HDGF: variants seen among roughly 807,000 people sequenced by gnomAD.
HDGF encodes the protein heparin binding growth factor, also known as hepatoma-derived growth factor.
Under a neutral mutation model 30.0 loss-of-function variants are expected in HDGF, and 5 were observed. The observed-to-expected ratio is 0.17, with a 90% CI of 0.09 to 0.35. HDGF has a LOEUF of 0.35. Ranked by LOEUF, HDGF falls within the 10% of genes least tolerant of loss-of-function variation. The pLI is 1.00. For missense variants in HDGF, 214 were observed against 302.8 expected (o/e 0.71, Z 2.18); for synonymous variants, 133 against 112.7 (o/e 1.18, Z -1.14).
At chr1:156,751,874 C>A, upstream of HDGF, 1 of 952,626 alleles carries the variant, frequency 1.0e-6, no homozygotes, top group Non-Finnish European at 1.5e-6. This position sits in a 1 kb window ranked among gnomAD's most constrained non-coding sequence, Gnocchi z 4.7. Flanking sequence ...AACCCGGAGC[C>A]GCCTGACGGC....
At position 156,751,314 on chromosome 1, in the gene HDGF, G is replaced by T; in HGVS notation, c.87+29C>A. Reference sequence around the variant, plus strand: ...GTTATGCAACCCAAGCCCGCAGGGGGTTAGGGGGCGGCGGGCCGCGCTGCT... The same window carrying T: ...GTTATGCAACCCAAGCCCGCAGGGGTTTAGGGGGCGGCGGGCCGCGCTGCT... On this transcript the variant is annotated intron_variant, in intron 1 of 5. Transcript: ENST00000357325. The surrounding 1 kb of genome is among the most constrained non-coding windows in gnomAD (Gnocchi z 4.7). The T allele has an allele frequency of 1.9e-6, 3 of 1,601,294 alleles. No individual in the cohort carries two copies. Among genetic ancestry groups the T allele is most frequent in the Non-Finnish European group, 2.6e-6 (3 of 1,173,318 alleles).
Position 156,744,170 on chromosome 1 carries a change from A to T in HDGF, c.482T>A (p.Leu161Ter). The T allele has an allele frequency of 6.2e-7, 1 of 1,613,866 alleles. No individual in the cohort carries two copies. The highest frequency in any genetic ancestry group is 8.5e-7 in the Non-Finnish European group (1 of 1,179,856). ...KGALKRRAGD[L>*]LEDSPKRPKE... ...TGGGCAGGCAGCAGTTACCTCCAGC[A>T]AGTCCCCTGCTCTCCTCTTCAACGC... is the stretch of plus-strand genomic sequence containing the variant. The change falls in exon 4 of 6, where the codon TTG becomes TAG. Residue 161 changes from leucine to a stop codon, truncating the protein, a stop_gained. Coordinates refer to ENST00000357325, the MANE Select transcript of HDGF (RefSeq NM_004494.3). LOFTEE classifies it high-confidence loss of function.
chr1:156,748,065 G>A (rs569909386), intron 1 of HDGF, among the ~76,000 whole-genome samples: 1 of 152,278 alleles, frequency 6.6e-6, no homozygotes, highest in East Asian at 1.9e-4. Flanking sequence ...TGGGTCTAGA[G>A]GGAAGAGAGA....
intron 1 of HDGF, among the ~76,000 whole-genome samples, chr1:156,764,399 G>A (rs1021075629): frequency 2.7e-5 from 4 of 150,204 alleles, no homozygotes; most frequent in African/African-American, 7.4e-5. Context: ...GTTTCTCCAT[G>A]TTGGGCAGGC....
rs538720094 is a variant in HDGF at position 156,749,090 on chromosome 1, G to A, written c.87+2253C>T. On this transcript the variant is annotated intron_variant, in intron 1 of 5. Coordinates refer to ENST00000357325, the MANE Select transcript of HDGF (RefSeq NM_004494.3). Reference sequence around the variant, plus strand: ...AGGGAAAGGAGAAGGTTAAGATGGAGTCACACCATCCTTCCAGGCAGGTCC... The same window carrying A: ...AGGGAAAGGAGAAGGTTAAGATGGAATCACACCATCCTTCCAGGCAGGTCC... Among the ~76,000 whole-genome samples the A allele has an allele frequency of 2.6e-5, 4 of 152,344 alleles. No individual in the cohort carries two copies. The East Asian group carries it at 7.7e-4, about 29-fold the overall frequency.
intron 1 of HDGF, among the ~76,000 whole-genome samples, chr1:156,750,329 G>A (rs556691531): frequency 5.1e-4 from 77 of 152,206 alleles, no homozygotes; most frequent in African/African-American, 1.8e-3. Flanking sequence ...CAAATGCACT[G>A]CCCCCGCATC....
intron 1 of HDGF, chr1:156,747,390 AG>A: frequency 6.6e-6 from 1 of 152,206 alleles, no homozygotes. Context: ...TTACCGCTGC[AG>A]GGGGTACGGG....
chr1:156,751,781 G>GC (rs1347642721), upstream of HDGF: 9 of 721,296 alleles, frequency 1.2e-5, no homozygotes, highest in East Asian at 4.3e-4. This position sits in a 1 kb window ranked among gnomAD's most constrained non-coding sequence, Gnocchi z 4.7. Flanking sequence ...TCCTCCCCCC[G>GC]CCCCCCAACC....
intron 1 of HDGF, chr1:156,747,309 C>T (rs1277009826): frequency 3.8e-5 from 5 of 130,732 alleles, no homozygotes; most frequent in Non-Finnish European, 8.1e-5. Context: ...GACACTAACA[C>T]ACCCCACCCC....
intron 1 of HDGF, among the ~76,000 whole-genome samples, chr1:156,764,899 A>AAAG: frequency 6.6e-6 from 1 of 151,924 alleles, no homozygotes; most frequent in East Asian, 1.9e-4. Context: ...AAAAAAAAAA[A>AAAG]AAGAAGAAGA....
chr1:156,757,575 T>A (rs966797031), intron 2 of HDGF, among the ~76,000 whole-genome samples: 1 of 149,512 alleles, frequency 6.7e-6, no homozygotes, highest in Non-Finnish European at 1.5e-5. Flanking sequence ...GGTGGATCAC[T>A]TGAGGCCAGG....
chr1:156,752,086 G>C, upstream of HDGF: 1 of 1,551,534 alleles, frequency 6.4e-7, no homozygotes, highest in Admixed American at 2.0e-5. Flanking sequence ...CACGGTTTCC[G>C]CCTGCCCTCT....
At chr1:156,752,235 G>A (rs1245190472), upstream of HDGF, 5 of 1,551,820 alleles carry the variant, frequency 3.2e-6, no homozygotes, top group Non-Finnish European at 4.4e-6. Flanking sequence ...TTACCGTATG[G>A]GGGGTGGCCC....
chr1:156,752,464 A>AATGCCAATAAACCCAACCCCTTCAGT, upstream of HDGF: 1 of 1,102,036 alleles, frequency 9.1e-7, no homozygotes, highest in Admixed American at 2.1e-5. Flanking sequence ...GTTACGGTAG[A>AATGCCAATAAACCCAACCCCTTCAGT]ATGCCAATAA....
upstream of HDGF, chr1:156,751,911 G>T: frequency 1.9e-6 from 2 of 1,038,490 alleles, no homozygotes; most frequent in South Asian, 1.7e-5. This position sits in a 1 kb window ranked among gnomAD's most constrained non-coding sequence, Gnocchi z 4.7. Context: ...ATAAGGAGCC[G>T]ATCGCCGAGC....
At chr1:156,750,390 C>T (rs1650879754) in intron 1 of HDGF, among the ~76,000 whole-genome samples, 1 of 152,184 alleles carries the variant, frequency 6.6e-6, no homozygotes, top group Non-Finnish European at 1.5e-5. Flanking sequence ...CTTACTTAAC[C>T]TGTCTCAGTC....
chr1:156,745,712 T>C (rs1022872390), intron 1 of HDGF, among the ~76,000 whole-genome samples: 1 of 152,166 alleles, frequency 6.6e-6, no homozygotes, highest in Non-Finnish European at 1.5e-5. Context: ...GAGTGGGCCT[T>C]TGGGAATGTT....
chr1:156,756,728 T>G (rs1161659705), upstream of HDGF, among the ~76,000 whole-genome samples: 1 of 152,190 alleles, frequency 6.6e-6, no homozygotes, highest in East Asian at 1.9e-4. Context: ...AAAATGCCTA[T>G]GTTTTCTAAC....
At position 156,743,233 on chromosome 1, in the gene HDGF, T is replaced by G; in HGVS notation, c.*216A>C. On this transcript the variant is annotated 3_prime_UTR_variant, in exon 6 of 6. Coordinates refer to ENST00000357325, the MANE Select transcript of HDGF (RefSeq NM_004494.3). ...GGAGAAGACATGGCTCTGACTCAGATCATAGGAGTATGGGGACCTAGAGGT... is the reference window on the plus strand; with the variant it reads ...GGAGAAGACATGGCTCTGACTCAGAGCATAGGAGTATGGGGACCTAGAGGT... 2.0e-6 allele frequency: 1 copy of G among 512,244 alleles called. No individual in the cohort carries two copies. The highest frequency in any genetic ancestry group is 3.5e-6 in the Non-Finnish European group (1 of 288,306). 31.7% of individuals were successfully genotyped at this position (512,244 alleles called of 1,614,324 possible).
Sources: allele counts gnomAD v4.1 joint callset (sites outside exome capture counted in the v4.1 genomes callset), GRCh38; gene constraint gnomAD v4.1.1; non-coding constraint Gnocchi (gnomAD v3.1); transcripts MANE v1.5; gene names NCBI Gene and HGNC (gene_info 2026-07-23, HGNC 2026-07-21).